PAK5: variants seen among roughly 807,000 people sequenced by gnomAD.
PAK5 encodes the protein p21 (RAC1) activated kinase 5.
In PAK5, 16 loss-of-function variants were observed where a neutral mutation model predicts 65.9. The observed-to-expected ratio is 0.24, with a 90% confidence interval of 0.16 to 0.37. The LOEUF is 0.37. Ranked by LOEUF, PAK5 falls within the 10% of genes least tolerant of loss-of-function variation. The pLI, the probability that PAK5 is intolerant of heterozygous loss-of-function variation, is 1.00. For synonymous variants in PAK5, 371 were observed against 354.9 expected, an observed-to-expected ratio of 1.05 and a Z score of -0.51; for missense variants, 785 against 903.9, an observed-to-expected ratio of 0.87 and a Z score of 1.69.
chr20:9,658,383 A>G (rs923036533), intron 2 of PAK5, among the ~76,000 whole-genome samples: 3 of 152,204 alleles, frequency 2.0e-5, no homozygotes, highest in African/African-American at 2.4e-5. Flanking sequence ...ATCTTTCAGC[A>G]GGGTAGCATG....
chr20:9,617,203 T>TA (rs2046673289), intron 3 of PAK5, among the ~76,000 whole-genome samples: 1 of 152,172 alleles, frequency 6.6e-6, no homozygotes, highest in South Asian at 2.1e-4. Flanking sequence ...CTTCAATACA[T>TA]CTGATGTGTG....
chr20:9,757,889 G>A (rs1264523009), intron 1 of PAK5, among the ~76,000 whole-genome samples: 4 of 152,078 alleles, frequency 2.6e-5, no homozygotes, highest in Non-Finnish European at 4.4e-5. Flanking sequence ...CTCACACCAC[G>A]TAACCTGTCA....
chr20:9,551,506 T>C (rs573153366), intron 7 of PAK5, among the ~76,000 whole-genome samples: 1 of 152,174 alleles, frequency 6.6e-6, no homozygotes, highest in South Asian at 2.1e-4. Context: ...CACAAAAGAA[T>C]GGTGGAGGGT....
chr20:9,684,163 TG>T (rs564170632), intron 2 of PAK5, among the ~76,000 whole-genome samples: 259 of 152,318 alleles, frequency 1.7e-3, no homozygotes, highest in South Asian at 0.013. Flanking sequence ...TAGCCAACTG[TG>T]ACTACAGAGA....
intron 1 of PAK5, among the ~76,000 whole-genome samples, chr20:9,749,666 A>C (rs769118757): frequency 1.3e-5 from 2 of 152,144 alleles, no homozygotes; most frequent in African/African-American, 2.4e-5. Flanking sequence ...TTTATTACCC[A>C]CTAAATTATT....
chr20:9,635,899 C>T (rs2046977676), intron 3 of PAK5, among the ~76,000 whole-genome samples: 1 of 152,152 alleles, frequency 6.6e-6, no homozygotes, highest in Non-Finnish European at 1.5e-5. Context: ...GGGGGCAGCC[C>T]CAGCTCTCAG....
chr20:9,638,078 G>T (rs754542570), intron 3 of PAK5, among the ~76,000 whole-genome samples: 4 of 152,256 alleles, frequency 2.6e-5, no homozygotes, highest in Non-Finnish European at 2.9e-5. Flanking sequence ...AATACCTAGG[G>T]TGGGGCTTGG....
chr20:9,676,477 T>G (rs557698588), intron 2 of PAK5, among the ~76,000 whole-genome samples: 2 of 152,316 alleles, frequency 1.3e-5, no homozygotes, highest in Admixed American at 6.5e-5. Flanking sequence ...GAGAGTTTAG[T>G]AGGATCCTAT....
intron 3 of PAK5, among the ~76,000 whole-genome samples, chr20:9,638,439 G>A (rs2047009230): frequency 6.6e-6 from 1 of 152,184 alleles, no homozygotes. Context: ...TTAAATTTCT[G>A]ACAGTTTGGA....
In PAK5 at chr20:9,540,059, C is replaced by A. The variant is rs1006982950; in HGVS notation, c.2005-442G>T. ...CAAGCTTCTGTAAGGATATCGAACACATCTCATTTTTTTCTTTGAAGGTCT... is the reference window on the plus strand; with the variant it reads ...CAAGCTTCTGTAAGGATATCGAACAAATCTCATTTTTTTCTTTGAAGGTCT... On this transcript the variant is annotated intron_variant, in intron 9 of 9. Transcript: ENST00000353224. 1.4e-4 allele frequency among the ~76,000 whole-genome samples: 21 copies of A among 152,158 alleles called. 1 individual carries two copies. Among genetic ancestry groups the A allele is most frequent in the African/African-American group, 5.1e-4 (21 of 41,422 alleles).
chr20:9,806,380 T>C (rs543710419), intron 1 of PAK5, among the ~76,000 whole-genome samples: 61 of 152,274 alleles, frequency 4.0e-4, no homozygotes, highest in Non-Finnish European at 7.5e-4. Context: ...TCCTGCATCT[T>C]GAATTTTCTT....
intron 3 of PAK5, among the ~76,000 whole-genome samples, chr20:9,594,725 A>G (rs1476623812): frequency 1.3e-5 from 2 of 152,196 alleles, no homozygotes; most frequent in African/African-American, 2.4e-5. Flanking sequence ...CTTGTAACAG[A>G]CTTTGGATCA....
At chr20:9,762,183 T>C (rs1252757226) in intron 1 of PAK5, among the ~76,000 whole-genome samples, 1 of 152,050 alleles carries the variant, frequency 6.6e-6, no homozygotes. Flanking sequence ...AGAGAAAAAA[T>C]TCTTTGACAT....
intron 3 of PAK5, among the ~76,000 whole-genome samples, chr20:9,618,871 G>A (rs1380463501): frequency 7.0e-6 from 1 of 142,458 alleles, no homozygotes; most frequent in African/African-American, 2.6e-5. Flanking sequence ...AGAAAGGAAG[G>A]TAGAAAGTGG....
At chr20:9,826,749 T>C (rs1246616704) in intron 1 of PAK5, among the ~76,000 whole-genome samples, 1 of 152,182 alleles carries the variant, frequency 6.6e-6, no homozygotes, top group Non-Finnish European at 1.5e-5. Context: ...GAAACATTGG[T>C]GCCGAAGACT....
At chr20:9,731,315 C>T (rs2048332696) in intron 1 of PAK5, among the ~76,000 whole-genome samples, 1 of 152,132 alleles carries the variant, frequency 6.6e-6, no homozygotes, top group South Asian at 2.1e-4. Context: ...TTTAATAATG[C>T]ATTTTATTTA....
intron 1 of PAK5, among the ~76,000 whole-genome samples, chr20:9,766,415 ATG>A (rs200301823): frequency 2.0e-4 from 4 of 19,930 alleles, no homozygotes; most frequent in African/African-American, 7.8e-4. Flanking sequence ...CAGAATATAT[ATG>A]TATATATATA....
chr20:9,796,012 G>A (rs1268286696), intron 1 of PAK5, among the ~76,000 whole-genome samples: 2 of 151,880 alleles, frequency 1.3e-5, no homozygotes, highest in East Asian at 1.9e-4. Flanking sequence ...TTAAATTGAT[G>A]GACCTTTACA....
chr20:9,576,518 C>T (rs1047661187), intron 4 of PAK5, among the ~76,000 whole-genome samples: 8 of 152,184 alleles, frequency 5.3e-5, no homozygotes, highest in Non-Finnish European at 1.0e-4. Flanking sequence ...TGAAGAATTA[C>T]TAGGTCCAAA....
Sources: gnomAD v4.1 joint callset for allele counts (sites outside exome capture counted in the v4.1 genomes callset) on GRCh38, gnomAD v4.1.1 for gene constraint, MANE v1.5 for transcripts, NCBI Gene and HGNC (gene_info 2026-07-23, HGNC 2026-07-21) for gene names.